Variants in GRIA3 observed in about 807,000 individuals in gnomAD.
GRIA3 encodes the protein glutamate ionotropic receptor AMPA type subunit 3, also known as glutamate receptor 3.
Under a neutral mutation model 63.0 loss-of-function variants are expected in GRIA3, and 3 were observed. The observed-to-expected ratio is 0.05, with a 90% confidence interval of 0.02 to 0.12. GRIA3 has a LOEUF of 0.12. Among genes scored for constraint, GRIA3 ranks in the 10% least tolerant of loss-of-function variants. GRIA3 has a pLI of 1.00. For missense variants in GRIA3, 347 were observed against 700.9 expected (o/e 0.50, Z 5.70); for synonymous variants, 274 against 257.9 (o/e 1.06, Z -0.60).
At chrX:123,363,346 G>A (rs1287427768) in intron 5 of GRIA3, among the ~76,000 whole-genome samples, 1 of 112,259 alleles carries the variant, frequency 8.9e-6, no homozygotes, top group East Asian at 2.8e-4. Flanking sequence ...TAATAGTACT[G>A]TATGAAGGAA....
chrX:123,483,609 T>C (rs970192527), intron 15 of GRIA3, among the ~76,000 whole-genome samples: 1 of 112,223 alleles, frequency 8.9e-6, no homozygotes, highest in African/African-American at 3.2e-5. Flanking sequence ...ACAATGCATC[T>C]CTAGAGAAAG....
intron 12 of GRIA3, among the ~76,000 whole-genome samples, chrX:123,460,166 T>C (rs759823097): frequency 8.9e-6 from 1 of 112,457 alleles, no homozygotes; most frequent in African/African-American, 3.2e-5. Flanking sequence ...GTATCAGCAA[T>C]CAAAGAGCTC....
At chrX:123,407,187 T>C (rs756108524) in intron 10 of GRIA3, among the ~76,000 whole-genome samples, 1 of 111,697 alleles carries the variant, frequency 9.0e-6, no homozygotes, top group Non-Finnish European at 1.9e-5. Context: ...CTACCATTTG[T>C]TGCATATTTA....
At chrX:123,188,976 T>C (rs1927351727) in intron 2 of GRIA3, among the ~76,000 whole-genome samples, 1 of 112,272 alleles carries the variant, frequency 8.9e-6, no homozygotes, top group African/African-American at 3.2e-5. Flanking sequence ...TTAAAGACTC[T>C]TCTTCATCAG....
intron 12 of GRIA3, among the ~76,000 whole-genome samples, chrX:123,431,351 T>C (rs760896935): frequency 8.9e-6 from 1 of 112,161 alleles, no homozygotes; most frequent in African/African-American, 3.2e-5. Context: ...TTTGTTTCTC[T>C]CATTTTCTGA....
chrX:123,300,575 T>C (rs1428159200), intron 3 of GRIA3, among the ~76,000 whole-genome samples: 2 of 109,091 alleles, frequency 1.8e-5, no homozygotes, highest in Admixed American at 2.0e-4. Context: ...TTTTATTAAT[T>C]TCTTTTCAAA....
At chrX:123,375,992 G>T (rs376747173) in intron 5 of GRIA3, among the ~76,000 whole-genome samples, 2 of 112,164 alleles carry the variant, frequency 1.8e-5, no homozygotes, top group East Asian at 2.8e-4. Flanking sequence ...TAAGCTAAAT[G>T]TCTTAAAGTG....
At chrX:123,366,304 A>C (rs998357621) in intron 5 of GRIA3, among the ~76,000 whole-genome samples, 16 of 111,310 alleles carry the variant, frequency 1.4e-4, no homozygotes, top group African/African-American at 4.9e-4. Context: ...AATGCCTCTG[A>C]CATTTCTCCT....
chrX:123,315,400 G>A (rs1201502071), intron 3 of GRIA3, among the ~76,000 whole-genome samples: 2 of 111,829 alleles, frequency 1.8e-5, no homozygotes, highest in African/African-American at 3.3e-5. Context: ...CTGTATTAGC[G>A]TCTCAAATTT....
chrX:123,198,153 G>T (rs1329541027), intron 2 of GRIA3, among the ~76,000 whole-genome samples: 1 of 111,920 alleles, frequency 8.9e-6, no homozygotes, highest in Non-Finnish European at 1.9e-5. Context: ...GCTCAACAGA[G>T]ATGCACCTCT....
intron 3 of GRIA3, among the ~76,000 whole-genome samples, chrX:123,262,539 C>T (rs1316742497): frequency 8.9e-6 from 1 of 111,889 alleles, no homozygotes; most frequent in South Asian, 3.7e-4. Flanking sequence ...TGGCAGTGAA[C>T]CAATCTAGCA....
Position 123,304,779 on chromosome X carries a change from G to A in GRIA3, c.509-21247G>A, listed in dbSNP as rs187779380. On this transcript the variant is annotated intron_variant, in intron 3 of 15. Transcript: ENST00000620443. ...CAACTGCTTCCAAAAGGCTATACTGGCCTGGAGGTAGTTTGAAATAAAGTC... is the reference window on the plus strand; with the variant it reads ...CAACTGCTTCCAAAAGGCTATACTGACCTGGAGGTAGTTTGAAATAAAGTC... 6.0e-3 allele frequency among the ~76,000 whole-genome samples: 668 copies of A among 112,122 alleles called. 4 individuals carry two copies. Among genetic ancestry groups the A allele is most frequent in the Middle Eastern group, 9.2e-3 (2 of 218 alleles).
chrX:123,233,989 C>T (rs1041702732), intron 2 of GRIA3, among the ~76,000 whole-genome samples: 1 of 111,349 alleles, frequency 9.0e-6, no homozygotes, highest in Admixed American at 9.5e-5. Flanking sequence ...AATAATGGTC[C>T]CTGTTTTATG....
chrX:123,277,034 A>G (rs961288902), intron 3 of GRIA3, among the ~76,000 whole-genome samples: 6 of 111,048 alleles, frequency 5.4e-5, no homozygotes, highest in African/African-American at 1.3e-4. Context: ...TATTTCTGCA[A>G]TGAAAGCTCT....
In GRIA3 at chrX:123,306,497, T is replaced by C. The variant is rs149521813; in HGVS notation, c.509-19529T>C. Among the ~76,000 whole-genome samples the C allele has an allele frequency of 2.7e-3, 298 of 111,927 alleles. 2 individuals carry two copies. The highest frequency in any genetic ancestry group is 9.0e-3 in the African/African-American group (278 of 30,777). On this transcript the variant is annotated intron_variant, in intron 3 of 15. Transcript: ENST00000620443. ...ATCTATTCAAATAATATATGATACA[T>C]TGGAAAGTAGAAGAAGAGAGGGGTG...
chrX:123,353,133 T>C (rs2045109264), intron 4 of GRIA3, among the ~76,000 whole-genome samples: 1 of 110,827 alleles, frequency 9.0e-6, no homozygotes, highest in Non-Finnish European at 1.9e-5. Context: ...CATAGTCAAA[T>C]GTATGGTTCC....
intron 3 of GRIA3, among the ~76,000 whole-genome samples, chrX:123,275,272 A>T (rs927559872): frequency 8.9e-6 from 1 of 112,027 alleles, no homozygotes; most frequent in African/African-American, 3.2e-5. Context: ...CCTGATGACA[A>T]TCCTATGAGG....
At chrX:123,487,018 T>A (rs1311917124) in intron 15 of GRIA3, among the ~76,000 whole-genome samples, 2 of 111,781 alleles carry the variant, frequency 1.8e-5, no homozygotes, top group Non-Finnish European at 3.8e-5. Context: ...CACATCAGGA[T>A]TACTGGGCTT....
intron 12 of GRIA3, among the ~76,000 whole-genome samples, chrX:123,439,423 C>G (rs1419849549): frequency 8.9e-6 from 1 of 111,803 alleles, no homozygotes; most frequent in Non-Finnish European, 1.9e-5. Context: ...TGGTTAACTT[C>G]TATGCCTAGA....
Sources: gnomAD v4.1 joint callset for allele counts (sites outside exome capture counted in the v4.1 genomes callset) on GRCh38, gnomAD v4.1.1 for gene constraint, MANE v1.5 for transcripts, NCBI Gene and HGNC (gene_info 2026-07-23, HGNC 2026-07-21) for gene names.